Variants in NF1 observed in about 807,000 individuals in gnomAD.
The protein encoded by NF1 is neurofibromin.
A neutral mutation model predicts 325.7 loss-of-function variants in NF1; 122 were observed. That is an observed-to-expected ratio of 0.37 (90% CI 0.32 to 0.44). The LOEUF is 0.44. Ranked by LOEUF, NF1 falls within the 20% of genes least tolerant of loss-of-function variation. The pLI is 1.00. For synonymous variants in NF1, 1,091 were observed against 1,186.0 expected (o/e 0.92, Z 1.65); for missense variants, 2,140 against 3,415.4 (o/e 0.63, Z 9.31).
chr17:31,355,443 AT>A (rs2070248585), intron 51 of NF1, among the ~76,000 whole-genome samples: 1 of 152,196 alleles, frequency 6.6e-6, no homozygotes, highest in Admixed American at 6.5e-5. Context: ...TGGCCTTGGT[AT>A]TTATGACTAT....
chr17:31,233,333 A>T (rs2067147834), intron 27 of NF1, 120 bp downstream of exon 27: 1 of 1,022,052 alleles, frequency 9.8e-7, no homozygotes, highest in Admixed American at 2.0e-5. Context: ...CAGAAGAAAG[A>T]TGTTTAGTTA....
intron 8 of NF1, among the ~76,000 whole-genome samples, chr17:31,198,938 T>G (rs960724004): frequency 2.6e-5 from 4 of 152,176 alleles, no homozygotes; most frequent in African/African-American, 9.7e-5. Context: ...CTTTCATATC[T>G]GACTTTAGTA....
chr17:31,223,408 A>T (rs2066960685), intron 15 of NF1, 36 bp from the exon 16 acceptor site: 1 of 1,607,216 alleles, frequency 6.2e-7, no homozygotes, highest in East Asian at 2.2e-5. Flanking sequence ...TAGGTTATTG[A>T]TGATGCTAGT....
At chr17:31,271,584 A>T (rs1399312653) in intron 36 of NF1, among the ~76,000 whole-genome samples, 1 of 152,010 alleles carries the variant, frequency 6.6e-6, no homozygotes, top group Non-Finnish European at 1.5e-5. Context: ...AAACCCCTCT[A>T]CTAAAAATAC....
Position 31,245,661 on chromosome 17 carries a change from A to G in NF1, c.3975-3323A>G, listed in dbSNP as rs530346303. Among the ~76,000 whole-genome samples the G allele has an allele frequency of 1.4e-3, 219 of 152,204 alleles. 1 individual carries two copies. The highest frequency in any genetic ancestry group is 1.8e-3 in the Non-Finnish European group (119 of 67,990). ...GAACAGCCAGATGGAAAAGATGCAC[A>G]TAGGGCAAGGCATGTGGGAAGGGGC... On this transcript the variant is annotated intron_variant, in intron 29 of 57. Transcript: ENST00000358273.
intron 8 of NF1, among the ~76,000 whole-genome samples, chr17:31,187,128 C>A (rs1336355393): frequency 2.0e-5 from 3 of 152,172 alleles, no homozygotes; most frequent in Non-Finnish European, 4.4e-5. Flanking sequence ...CACAGCATTG[C>A]CTCTGACCAA....
At chr17:31,305,564 T>C (rs1403479572) in intron 36 of NF1, 8 of 1,614,010 alleles carry the variant, frequency 5.0e-6, no homozygotes, top group Non-Finnish European at 6.8e-6. Flanking sequence ...AATGTATTGT[T>C]CAGGTGTCCA....
In NF1 at chr17:31,374,966, T is replaced by G. The variant is rs2151602371; in HGVS notation, c.*811T>G. The G allele has an allele frequency of 4.6e-6, 1 of 215,838 alleles. No individual in the cohort carries two copies. Among genetic ancestry groups the G allele is most frequent in the East Asian group, 6.8e-5 (1 of 14,648 alleles). The allele number at this position is 215,838 out of a possible 1,614,324, so 13.4% of individuals were successfully genotyped here. A position where few individuals can be genotyped will look rare whatever the true frequency, so the allele number is the denominator to read the frequency against. On this transcript the variant is annotated 3_prime_UTR_variant, in exon 58 of 58. Transcript: ENST00000358273. Reference sequence around the variant, plus strand: ...TTTTAATTTTGCTAAAGGTGGTTTTTTTGTGTTTTGTTTTTTGTAAACCAA... The same window carrying G: ...TTTTAATTTTGCTAAAGGTGGTTTTGTTGTGTTTTGTTTTTTGTAAACCAA...
intron 57 of NF1, among the ~76,000 whole-genome samples, chr17:31,364,865 C>A (rs1419101511): frequency 6.6e-6 from 1 of 152,144 alleles, no homozygotes; most frequent in Admixed American, 6.5e-5. Flanking sequence ...AGGATTTTCC[C>A]AAACACCAAT....
intron 36 of NF1, among the ~76,000 whole-genome samples, chr17:31,312,450 G>A (rs2068901468): frequency 6.6e-6 from 1 of 151,318 alleles, no homozygotes; most frequent in Non-Finnish European, 1.5e-5. Flanking sequence ...GGCGGAGGTT[G>A]CAGTGAGCCT....
intron 33 of NF1, 51 bp downstream of exon 33, chr17:31,259,180 G>T: frequency 7.6e-7 from 1 of 1,315,740 alleles, no homozygotes; most frequent in South Asian, 1.2e-5. Context: ...AAATATTTTC[G>T]GTTTCACATA....
rs765750009 is a variant in NF1 at position 31,350,184 on chromosome 17, T to G, written c.7323T>G (p.Ala2441=). ...VNTQSVAYLA[A]LLTVSEEVRS... is the part of the protein sequence containing the mutation. ...AACCTGCCACCGTTTTCCTTTTAGC[T>G]TTACTTACAGTGTCTGAAGAAGTTC... is the stretch of plus-strand genomic sequence containing the variant. Residue 2441 remains alanine (A), a splice_region_variant and synonymous_variant, in exon 50 of 58, where the codon GCT becomes GCG. Coordinates refer to ENST00000358273, the MANE Select transcript of NF1 (RefSeq NM_001042492.3). The G allele has an allele frequency of 3.1e-6, 5 of 1,613,872 alleles. No homozygotes were observed. In the Admixed American group the frequency reaches 6.7e-5, roughly 22 times the overall value.
chr17:31,158,067 A>T (rs2065697587), intron 2 of NF1, among the ~76,000 whole-genome samples: 1 of 152,152 alleles, frequency 6.6e-6, no homozygotes, highest in South Asian at 2.1e-4. Flanking sequence ...GTATCCTTTA[A>T]CAAATCTCTA....
chr17:31,267,686 A>G (rs780703414), intron 36 of NF1, among the ~76,000 whole-genome samples: 2 of 152,136 alleles, frequency 1.3e-5, no homozygotes, highest in Non-Finnish European at 2.9e-5. Context: ...TGCTTTTTGA[A>G]TTGTGGATTT....
At chr17:31,184,496 A>G (rs2066196115) in intron 8 of NF1, among the ~76,000 whole-genome samples, 1 of 151,178 alleles carries the variant, frequency 6.6e-6, no homozygotes, top group Non-Finnish European at 1.5e-5. Flanking sequence ...AAAAATACAA[A>G]AAATTAGCCG....
chr17:31,282,524 C>A (rs372942245), intron 36 of NF1, among the ~76,000 whole-genome samples: 5 of 152,248 alleles, frequency 3.3e-5, no homozygotes, highest in East Asian at 3.9e-4. Context: ...TCCTGCCCCC[C>A]CTCAGCCCCT....
At chr17:31,330,182 T>A in intron 38 of NF1, 114 bp from the exon 39 acceptor site, 1 of 895,758 alleles carries the variant, frequency 1.1e-6, no homozygotes, top group Non-Finnish European at 1.8e-6. Flanking sequence ...TCATAAAATT[T>A]AAAAATAGTT....
chr17:31,313,660 C>T (rs970091045), intron 36 of NF1, among the ~76,000 whole-genome samples: 11 of 148,456 alleles, frequency 7.4e-5, no homozygotes, highest in African/African-American at 1.5e-4. Flanking sequence ...GAGCTGAGAT[C>T]GTGCCACTGC....
chr17:31,203,056 A>G (rs1217363620), intron 11 of NF1, among the ~76,000 whole-genome samples: 1 of 152,178 alleles, frequency 6.6e-6, no homozygotes, highest in East Asian at 1.9e-4. Flanking sequence ...CTTTGTGGCT[A>G]GTTACTTTAA....
Sources: allele counts gnomAD v4.1 joint callset (sites outside exome capture counted in the v4.1 genomes callset), GRCh38; gene constraint gnomAD v4.1.1; transcripts MANE v1.5; gene names NCBI Gene and HGNC (gene_info 2026-07-23, HGNC 2026-07-21).